ERC1: variants seen among roughly 807,000 people sequenced by gnomAD.
ERC1 encodes ELKS/RAB6-interacting/CAST family member 1.
ERC1 carries 56 observed loss-of-function variants against 132.0 expected under a neutral mutation model. The ratio of observed to expected loss-of-function variants is 0.42; its 90% CI spans 0.34 to 0.53. The LOEUF is 0.53. ERC1 is among the 20% of genes least tolerant of loss of function. The pLI is 0.03. For missense variants in ERC1, 1,202 were observed against 1,349.9 expected, an observed-to-expected ratio of 0.89 and a Z score of 1.72; for synonymous variants, 478 against 476.1, an observed-to-expected ratio of 1.00 and a Z score of -0.05.
At chr12:1,327,878 A>G (rs1480698239) in intron 15 of ERC1, among the ~76,000 whole-genome samples, 5 of 151,832 alleles carry the variant, frequency 3.3e-5, no homozygotes, top group Non-Finnish European at 7.4e-5. Flanking sequence ...CAGTATCTTC[A>G]TCATCAAGAA....
chr12:1,460,981 T>TTTTTTTTTTTTTTC (rs61029874), intron 18 of ERC1, among the ~76,000 whole-genome samples: 1 of 137,786 alleles, frequency 7.3e-6, no homozygotes, highest in African/African-American at 2.9e-5. Flanking sequence ...TTTTTTTTTT[T>TTTTTTTTTTTTTTC]CATTTTTCTA....
chr12:1,394,167 A>G (rs190805378), intron 16 of ERC1, among the ~76,000 whole-genome samples: 4,813 of 151,642 alleles, frequency 0.032, 97 homozygotes, highest in South Asian at 0.091. Context: ...TTGGGAGGCC[A>G]AGGCGGGCAG....
At chr12:1,349,432 G>A (rs2084787313) in intron 15 of ERC1, among the ~76,000 whole-genome samples, 1 of 152,182 alleles carries the variant, frequency 6.6e-6, no homozygotes, top group African/African-American at 2.4e-5. Flanking sequence ...GGGAGGCCGA[G>A]GCGGGCAGAT....
intron 1 of ERC1, among the ~76,000 whole-genome samples, chr12:1,007,494 T>TCTC (rs1963884250): frequency 3.3e-5 from 3 of 90,626 alleles, no homozygotes; most frequent in African/African-American, 1.6e-4. Context: ...CTCTCTCTCT[T>TCTC]TCTCTCTCTC....
intron 16 of ERC1, among the ~76,000 whole-genome samples, chr12:1,400,967 G>A (rs1178658315): frequency 1.1e-5 from 1 of 87,132 alleles, no homozygotes; most frequent in Non-Finnish European, 2.1e-5. Context: ...ACGGAGTCTT[G>A]CTCTATCGCC....
intron 8 of ERC1, among the ~76,000 whole-genome samples, chr12:1,164,539 A>T (rs1251013564): frequency 5.3e-5 from 8 of 151,648 alleles, no homozygotes. Flanking sequence ...GAAGGGTTTC[A>T]CCGTGTTAGC....
At chr12:1,486,721 G>A (rs951240508) in intron 18 of ERC1, among the ~76,000 whole-genome samples, 18 of 152,156 alleles carry the variant, frequency 1.2e-4, no homozygotes, top group Admixed American at 5.9e-4. Flanking sequence ...CACCGCACCC[G>A]GCTGTGAAAT....
At chr12:1,007,516 TTCTC>T (rs377671282) in intron 1 of ERC1, among the ~76,000 whole-genome samples, 3 of 122,882 alleles carry the variant, frequency 2.4e-5, no homozygotes, top group African/African-American at 7.1e-5. Flanking sequence ...CACTGGGTAA[TTCTC>T]TCTCTCTCTC....
intron 7 of ERC1, among the ~76,000 whole-genome samples, chr12:1,133,008 A>G (rs1254668537): frequency 6.6e-6 from 1 of 151,972 alleles, no homozygotes; most frequent in Non-Finnish European, 1.5e-5. Flanking sequence ...GGCATGCACC[A>G]CCACGCCTGA....
At chr12:1,450,984 C>G (rs555803793) in intron 18 of ERC1, among the ~76,000 whole-genome samples, 1 of 152,272 alleles carries the variant, frequency 6.6e-6, no homozygotes, top group East Asian at 1.9e-4. Flanking sequence ...AAGTTCTCAG[C>G]CTATTTTTAA....
intron 18 of ERC1, among the ~76,000 whole-genome samples, chr12:1,465,922 G>A (rs1379018346): frequency 6.6e-6 from 1 of 152,188 alleles, no homozygotes; most frequent in Non-Finnish European, 1.5e-5. Context: ...CCCCCTTCTG[G>A]TGCCAAGTAG....
chr12:1,121,713 CT>C lies in ERC1; in HGVS notation c.1569+5681del, dbSNP rs1566012569. Among the ~76,000 whole-genome samples the C allele has an allele frequency of 2.8e-3, 16 of 5,702 alleles. 1 individual carries two copies. The highest frequency in any genetic ancestry group is 7.9e-3 in the Non-Finnish European group (13 of 1,636). 3.7% of individuals were successfully genotyped at this position (5,702 alleles called of 152,430 possible). A position where few individuals can be genotyped will look rare whatever the true frequency, so the allele number is the denominator to read the frequency against. On this transcript the variant is annotated intron_variant, in intron 7 of 18. Coordinates refer to ENST00000360905, the MANE Select transcript of ERC1 (RefSeq NM_178040.4). ...TCTCTATCTCTATCTCTATCTGTGTCTCTATCTCTATCTCTATCTCTATCTC... is the reference window on the plus strand; with the variant it reads ...TCTCTATCTCTATCTCTATCTGTGTCCTATCTCTATCTCTATCTCTATCTC...
At position 1,047,483 on chromosome 12, in the gene ERC1, A is replaced by T. The variant is rs561651190; in HGVS notation, c.669+18911A>T. ...TTTGGCTGAATCTATTCAAGGGGAA[A>T]TCACTATTTTCGTTTTAGAGATGGC... is the stretch of plus-strand genomic sequence containing the variant. On this transcript the variant is annotated intron_variant, in intron 2 of 18. Coordinates refer to ENST00000360905, the MANE Select transcript of ERC1 (RefSeq NM_178040.4). Among the ~76,000 whole-genome samples the T allele has an allele frequency of 1.9e-4, 29 of 152,282 alleles. No homozygotes were observed. In the East Asian group the frequency reaches 5.0e-3, roughly 26 times the overall value.
At chr12:1,233,971 G>A (rs767791138) in intron 12 of ERC1, among the ~76,000 whole-genome samples, 40 of 152,164 alleles carry the variant, frequency 2.6e-4, no homozygotes, top group African/African-American at 5.8e-4. Context: ...TACAATTTAC[G>A]TTGTTAAACA....
chr12:1,030,410 C>G (rs1173609169), intron 2 of ERC1, among the ~76,000 whole-genome samples: 2 of 152,206 alleles, frequency 1.3e-5, no homozygotes, highest in African/African-American at 4.8e-5. Flanking sequence ...TCATGTATCA[C>G]TGTGGTCCCA....
At chr12:997,619 TG>T (rs1415876801) in intron 1 of ERC1, among the ~76,000 whole-genome samples, 1 of 152,084 alleles carries the variant, frequency 6.6e-6, no homozygotes, top group Non-Finnish European at 1.5e-5. Flanking sequence ...TTACTGAGTA[TG>T]GGGGATGTCC....
intron 18 of ERC1, among the ~76,000 whole-genome samples, chr12:1,476,802 GT>G (rs1345912787): frequency 6.6e-6 from 1 of 152,206 alleles, no homozygotes; most frequent in African/African-American, 2.4e-5. Context: ...AAAGATTTAT[GT>G]ATGGGAAAAT....
At chr12:1,364,695 T>A (rs1024157075) in intron 15 of ERC1, among the ~76,000 whole-genome samples, 6 of 152,244 alleles carry the variant, frequency 3.9e-5, no homozygotes, top group Non-Finnish European at 8.8e-5. Context: ...TCTGCTGTAC[T>A]ACCTCAGCAT....
chr12:1,111,478 C>T (rs774991597), intron 5 of ERC1, among the ~76,000 whole-genome samples: 2 of 152,190 alleles, frequency 1.3e-5, no homozygotes, highest in Non-Finnish European at 2.9e-5. Context: ...CAGTTTCTGG[C>T]TTCTTGCCAT....
Sources: allele counts gnomAD v4.1 joint callset (sites outside exome capture counted in the v4.1 genomes callset), GRCh38; gene constraint gnomAD v4.1.1; transcripts MANE v1.5; gene names NCBI Gene and HGNC (gene_info 2026-07-23, HGNC 2026-07-21).